ADAMTS2: variants seen among roughly 807,000 people sequenced by gnomAD.
The protein encoded by ADAMTS2 is ADAM metallopeptidase with thrombospondin type 1 motif 2.
A neutral mutation model predicts 123.0 loss-of-function variants in ADAMTS2; 50 were observed. That is an observed-to-expected ratio of 0.41 (90% CI 0.32 to 0.51). ADAMTS2 has a LOEUF of 0.51. Among genes scored for constraint, ADAMTS2 ranks in the 20% least tolerant of loss-of-function variants. The pLI, the probability that ADAMTS2 is intolerant of heterozygous loss-of-function variation, is 0.35. For synonymous variants in ADAMTS2, 678 were observed against 695.4 expected, an observed-to-expected ratio of 0.98 and a Z score of 0.39; for missense variants, 1,494 against 1,705.2, an observed-to-expected ratio of 0.88 and a Z score of 2.18.
intron 3 of ADAMTS2, among the ~76,000 whole-genome samples, chr5:179,261,335 C>T (rs796897681): frequency 2.6e-5 from 4 of 152,342 alleles, no homozygotes; most frequent in African/African-American, 9.6e-5. Context: ...AACACTAAAG[C>T]CCCCGTGCTG....
At position 179,182,117 on chromosome 5, in the gene ADAMTS2, T is replaced by A. The variant is rs867462224; in HGVS notation, c.892-962A>T. Among the ~76,000 whole-genome samples, 5 of 152,334 alleles carry A rather than the reference T, an allele frequency of 3.3e-5. No individual in the cohort carries two copies. The South Asian group carries it at 1.0e-3, about 32-fold the overall frequency. ...CCCCCTGGAAGGCCCCCCGCAGGCC[T>A]GAGCCGCCCCTCATCAAGCACAAGG... On this transcript the variant is annotated intron_variant, in intron 4 of 21. Coordinates refer to ENST00000251582, the MANE Select transcript of ADAMTS2 (RefSeq NM_014244.5).
At chr5:179,138,243 A>C (rs545405822) in intron 11 of ADAMTS2, among the ~76,000 whole-genome samples, 1 of 152,290 alleles carries the variant, frequency 6.6e-6, no homozygotes, top group South Asian at 2.1e-4. Context: ...CCTCCTCCCC[A>C]GCACTGATGC....
chr5:179,337,410 CACAA>C (rs1216699592), intron 2 of ADAMTS2, among the ~76,000 whole-genome samples: 4 of 152,228 alleles, frequency 2.6e-5, no homozygotes, highest in Non-Finnish European at 5.9e-5. Flanking sequence ...TTCAGACGTG[CACAA>C]ACATATGCAC....
intron 5 of ADAMTS2, among the ~76,000 whole-genome samples, chr5:179,167,000 G>T (rs911753505): frequency 6.6e-6 from 1 of 152,220 alleles, no homozygotes; most frequent in Non-Finnish European, 1.5e-5. Context: ...GGGAGGCGCC[G>T]GCTGCGGGGA....
rs1435153654 is a variant in ADAMTS2, at chr5:179,170,193, A to C, written c.975+10879T>G. ...AGAGGCTTCTCATAAGCTAGAAGACAAACATGTCACTCAAACAAGTGCTAC... is the reference window on the plus strand; with the variant it reads ...AGAGGCTTCTCATAAGCTAGAAGACCAACATGTCACTCAAACAAGTGCTAC... On this transcript the variant is annotated intron_variant, in intron 5 of 21. Transcript: ENST00000251582. The surrounding 1 kb of genome is among the most constrained non-coding windows in gnomAD (Gnocchi z 4.3). Among the ~76,000 whole-genome samples, 15 of 152,252 alleles carry C rather than the reference A, an allele frequency of 9.9e-5. 1 individual carries two copies. The highest frequency in any genetic ancestry group is 9.8e-4 in the Admixed American group (15 of 15,292).
chr5:179,266,795 C>T (rs1766383364), intron 3 of ADAMTS2, among the ~76,000 whole-genome samples: 2 of 152,232 alleles, frequency 1.3e-5, no homozygotes, highest in South Asian at 4.1e-4. Flanking sequence ...TGGGCCAAGC[C>T]TCACATCCGC....
intron 5 of ADAMTS2, among the ~76,000 whole-genome samples, chr5:179,166,848 C>T (rs971633451): frequency 6.6e-6 from 1 of 152,248 alleles, no homozygotes; most frequent in Admixed American, 6.5e-5. Context: ...AGTAGCCCCA[C>T]TCCTCCCTTC....
intron 4 of ADAMTS2, among the ~76,000 whole-genome samples, chr5:179,204,832 T>C (rs1306408460): frequency 1.3e-5 from 2 of 152,146 alleles, no homozygotes; most frequent in Non-Finnish European, 1.5e-5. Context: ...CCCGGGACTC[T>C]CTGCCACGCC....
intron 17 of ADAMTS2, 40 bp from the exon 18 acceptor site, chr5:179,126,170 T>C (rs1762854261): frequency 1.2e-6 from 2 of 1,612,084 alleles, no homozygotes; most frequent in East Asian, 2.2e-5. Context: ...TGGGGCAGCA[T>C]GCCCTGCCCG....
At chr5:179,254,535 T>C (rs1766000486) in intron 3 of ADAMTS2, among the ~76,000 whole-genome samples, 1 of 152,204 alleles carries the variant, frequency 6.6e-6, no homozygotes, top group African/African-American at 2.4e-5. Context: ...GTCCATTGAT[T>C]TTTAAAAGGT....
Position 179,345,099 on chromosome 5 carries a change from C to T in ADAMTS2, c.139+91G>A, listed in dbSNP as rs1757901892. 2.1e-6 allele frequency: 2 copies of T among 971,070 alleles called. No individual in the cohort carries two copies. Among genetic ancestry groups the T allele is most frequent in the African/African-American group, 1.8e-5 (1 of 57,038 alleles). 60.2% of individuals were successfully genotyped at this position (971,070 alleles called of 1,614,324 possible). ...GCGCGCGGAGTTTGCCCAAGTCAGG[C>T]TGGACGACGCCTGGGGAGGGGGCGG... On this transcript the variant is annotated intron_variant, in intron 1 of 21. Transcript: ENST00000251582. The surrounding 1 kb of genome is among the most constrained non-coding windows in gnomAD (Gnocchi z 7.5).
intron 3 of ADAMTS2, among the ~76,000 whole-genome samples, chr5:179,245,789 A>AC (rs869304631): frequency 0.082 from 10,840 of 131,842 alleles, 1,135 homozygotes; most frequent in Non-Finnish European, 0.12. Flanking sequence ...AAAAAAAAAA[A>AC]AAAAAACAAA....
intron 5 of ADAMTS2, among the ~76,000 whole-genome samples, chr5:179,176,146 T>G (rs1763925254): frequency 6.6e-6 from 1 of 152,242 alleles, no homozygotes; most frequent in Non-Finnish European, 1.5e-5. Flanking sequence ...GAAATGTGCT[T>G]CTTTTTCCGC....
chr5:179,218,472 C>T (rs374758457), intron 3 of ADAMTS2, among the ~76,000 whole-genome samples: 4 of 152,378 alleles, frequency 2.6e-5, no homozygotes, highest in East Asian at 1.9e-4. Flanking sequence ...CTCAGCCCCA[C>T]GGGGGCCATC....
Position 179,174,802 on chromosome 5 carries a change from TC to T in ADAMTS2, c.975+6269del, listed in dbSNP as rs1386517329. On this transcript the variant is annotated intron_variant, in intron 5 of 21. Coordinates refer to ENST00000251582, the MANE Select transcript of ADAMTS2 (RefSeq NM_014244.5). ...ACCGTTCATGTTCCTTTGGAGGAAG[TC>T]TCTTCCTTGCTTGGGTTCCGCAGCT... Among the ~76,000 whole-genome samples the T allele has an allele frequency of 5.9e-5, 9 of 152,034 alleles. No individual in the cohort carries two copies. In the East Asian group the frequency reaches 1.8e-3, roughly 30 times the overall value.
At chr5:179,127,367 G>T (rs1390898920) in intron 17 of ADAMTS2, among the ~76,000 whole-genome samples, 1 of 152,146 alleles carries the variant, frequency 6.6e-6, no homozygotes. Flanking sequence ...CCAGGTGTGG[G>T]CCCAGCATGG....
At chr5:179,265,676 G>A (rs1000265285) in intron 3 of ADAMTS2, among the ~76,000 whole-genome samples, 4 of 152,148 alleles carry the variant, frequency 2.6e-5, no homozygotes, top group Non-Finnish European at 5.9e-5. Flanking sequence ...GTGCAGCCTC[G>A]GCTTTCCCAG....
At chr5:179,142,101 G>A (rs1233203715) in intron 10 of ADAMTS2, among the ~76,000 whole-genome samples, 1 of 152,160 alleles carries the variant, frequency 6.6e-6, no homozygotes, top group South Asian at 2.1e-4. Context: ...AGAACAGAAG[G>A]CTTCACAGCT....
intron 2 of ADAMTS2, among the ~76,000 whole-genome samples, chr5:179,341,695 A>G (rs1257264822): frequency 1.3e-5 from 2 of 148,730 alleles, no homozygotes; most frequent in East Asian, 4.0e-4. Context: ...AGCCTGGGTA[A>G]TAGAGTGAGA....
Sources: gnomAD v4.1 joint callset for allele counts (sites outside exome capture counted in the v4.1 genomes callset) on GRCh38, gnomAD v4.1.1 for gene constraint, Gnocchi (gnomAD v3.1) non-coding constraint, MANE v1.5 for transcripts, NCBI Gene and HGNC (gene_info 2026-07-23, HGNC 2026-07-21) for gene names.